The following PHF21A variants were observed in gnomAD, a reference collection of about 807,000 sequenced individuals.
The protein encoded by PHF21A is BHC80a.
A neutral mutation model predicts 82.5 loss-of-function variants in PHF21A; 11 were observed. The ratio of observed to expected loss-of-function variants is 0.13; its 90% CI spans 0.08 to 0.22. PHF21A has a LOEUF of 0.22. Among genes scored for constraint, PHF21A ranks in the 10% least tolerant of loss-of-function variants. The pLI is 1.00. For missense variants in PHF21A, 579 were observed against 837.8 expected, an observed-to-expected ratio of 0.69 and a Z score of 3.81; for synonymous variants, 297 against 302.8, an observed-to-expected ratio of 0.98 and a Z score of 0.20.
chr11:45,963,494 C>G (rs1467162830), intron 10 of PHF21A, among the ~76,000 whole-genome samples: 2 of 150,684 alleles, frequency 1.3e-5, no homozygotes, highest in African/African-American at 4.9e-5. Flanking sequence ...GTAATTAACT[C>G]CTGGGGGTAA....
intron 1 of PHF21A, among the ~76,000 whole-genome samples, chr11:46,112,398 C>T (rs2097225999): frequency 6.6e-6 from 1 of 152,096 alleles, no homozygotes; most frequent in Non-Finnish European, 1.5e-5. Context: ...TTTACTGAGC[C>T]CTTATTATGT....
At chr11:46,109,980 CAAA>C (rs771228626) in intron 1 of PHF21A, among the ~76,000 whole-genome samples, 10 of 73,340 alleles carry the variant, frequency 1.4e-4, no homozygotes, top group Admixed American at 4.4e-4. Flanking sequence ...GACTCCGTGT[CAAA>C]AAAAAAAAAA....
At chr11:46,086,045 T>G (rs2096852767) in intron 3 of PHF21A, among the ~76,000 whole-genome samples, 3 of 151,978 alleles carry the variant, frequency 2.0e-5, no homozygotes, top group African/African-American at 7.3e-5. Context: ...TAAAAGGCAG[T>G]ATATTTAAGG....
At chr11:46,102,305 A>G (rs894005050) in intron 1 of PHF21A, among the ~76,000 whole-genome samples, 4 of 152,248 alleles carry the variant, frequency 2.6e-5, no homozygotes, top group African/African-American at 9.6e-5. Flanking sequence ...AACCATAATT[A>G]ATTTCCAAGT....
At position 46,002,698 on chromosome 11, in the gene PHF21A, T is replaced by C. The variant is rs1439065132; in HGVS notation, c.154-22732A>G. On this transcript the variant is annotated intron_variant, in intron 6 of 18. Transcript: ENST00000676320. ...AACTTTGGACTCTGTCCCCGTAAAA[T>C]GTCCTATGTGTGCAAACATATAAAA... 2.6e-5 allele frequency among the ~76,000 whole-genome samples: 4 copies of C among 152,294 alleles called. No individual in the cohort carries two copies. The Middle Eastern group carries it at 0.01, about 389-fold the overall frequency.
chr11:46,065,742 G>GT (rs2096586463), intron 6 of PHF21A, among the ~76,000 whole-genome samples: 2 of 152,236 alleles, frequency 1.3e-5, no homozygotes, highest in African/African-American at 4.8e-5. Context: ...AACAAAAGTT[G>GT]TTTAAGCGCC....
chr11:46,025,282 CT>C (rs1846154749), intron 6 of PHF21A, among the ~76,000 whole-genome samples: 1 of 152,162 alleles, frequency 6.6e-6, no homozygotes, highest in Non-Finnish European at 1.5e-5. Flanking sequence ...CTTATCCCCA[CT>C]GAATTTCTTC....
intron 10 of PHF21A, among the ~76,000 whole-genome samples, chr11:45,959,511 T>C (rs1451084918): frequency 6.6e-6 from 1 of 152,206 alleles, no homozygotes; most frequent in African/African-American, 2.4e-5. Flanking sequence ...GCTTTCACCA[T>C]TGCTATTTGA....
chr11:45,966,138 T>C (rs2093420897), intron 9 of PHF21A, among the ~76,000 whole-genome samples: 1 of 152,150 alleles, frequency 6.6e-6, no homozygotes, highest in African/African-American at 2.4e-5. Flanking sequence ...ATGTTCTCAT[T>C]ATTCCTAGGA....
In PHF21A at chr11:46,102,756, T is replaced by G. The variant is rs2097111145; in HGVS notation, c.-236-10533A>C. 2.0e-5 allele frequency among the ~76,000 whole-genome samples: 3 copies of G among 152,182 alleles called. 1 individual carries two copies. The South Asian group carries it at 6.2e-4, about 32-fold the overall frequency. ...TACAAATATTCAGTTACTGTGCAAG[T>G]GATTTTAAGCTATCCATTCTCCAAA... On this transcript the variant is annotated intron_variant, in intron 1 of 18. Coordinates refer to ENST00000676320, the MANE Select transcript of PHF21A (RefSeq NM_001352027.3).
At chr11:46,010,100 C>T (rs1245304001) in intron 6 of PHF21A, among the ~76,000 whole-genome samples, 1 of 152,020 alleles carries the variant, frequency 6.6e-6, no homozygotes, top group African/African-American at 2.4e-5. Flanking sequence ...AAAAATATGC[C>T]AAGTTTGAGA....
intron 6 of PHF21A, among the ~76,000 whole-genome samples, chr11:46,050,056 T>C (rs191526961): frequency 7.9e-5 from 12 of 152,294 alleles, no homozygotes; most frequent in African/African-American, 2.2e-4. Context: ...TAAAAGAAAA[T>C]TAGCAAGTCT....
chr11:46,069,736 G>A (rs1348509876), intron 6 of PHF21A, among the ~76,000 whole-genome samples: 1 of 152,154 alleles, frequency 6.6e-6, no homozygotes, highest in Non-Finnish European at 1.5e-5. Context: ...TACAATAATG[G>A]TTAAGTCATA....
intron 8 of PHF21A, 73 bp from the exon 9 acceptor site, chr11:45,969,977 T>A (rs2093657390): frequency 1.0e-6 from 1 of 960,926 alleles, no homozygotes; most frequent in Non-Finnish European, 1.6e-6. Context: ...ATTTTTAGCA[T>A]CACTATTCTT....
chr11:46,011,377 T>C (rs1034293129), intron 6 of PHF21A, among the ~76,000 whole-genome samples: 2 of 151,978 alleles, frequency 1.3e-5, no homozygotes, highest in Admixed American at 6.6e-5. Flanking sequence ...TAATCCCAGG[T>C]ACTTAGGAGG....
chr11:45,964,578 T>C (rs1003264610), intron 10 of PHF21A, among the ~76,000 whole-genome samples: 2 of 152,230 alleles, frequency 1.3e-5, no homozygotes, highest in Non-Finnish European at 2.9e-5. Flanking sequence ...GCAACTTTCT[T>C]GAGAGAGAAT....
chr11:46,002,237 G>C (rs959812248), intron 6 of PHF21A, among the ~76,000 whole-genome samples: 1 of 152,036 alleles, frequency 6.6e-6, no homozygotes, highest in African/African-American at 2.4e-5. Flanking sequence ...GGCACACTGG[G>C]CTAGGTTTTA....
At chr11:46,114,852 T>A (rs2097268869) in intron 1 of PHF21A, among the ~76,000 whole-genome samples, 1 of 152,202 alleles carries the variant, frequency 6.6e-6, no homozygotes, top group Non-Finnish European at 1.5e-5. Context: ...TGACAGTTTG[T>A]ATTCTCAATG....
At chr11:45,973,129 A>C (rs1410050463) in intron 7 of PHF21A, among the ~76,000 whole-genome samples, 1 of 152,220 alleles carries the variant, frequency 6.6e-6, no homozygotes, top group African/African-American at 2.4e-5. Context: ...AAATGTAATT[A>C]ATTAAAACAA....
Sources: gnomAD v4.1 joint callset for allele counts (sites outside exome capture counted in the v4.1 genomes callset) on GRCh38, gnomAD v4.1.1 for gene constraint, MANE v1.5 for transcripts, NCBI Gene and HGNC (gene_info 2026-07-23, HGNC 2026-07-21) for gene names.